ST3GAL3: variants seen among roughly 807,000 people sequenced by gnomAD.
ST3GAL3 encodes the protein ST3 beta-galactoside alpha-2,3-sialyltransferase 3, also known as CMP-N-acetylneuraminate-beta-1,4-galactoside alpha-2,3-sialyltransferase.
Under a neutral mutation model 50.1 loss-of-function variants are expected in ST3GAL3, and 21 were observed. The ratio of observed to expected loss-of-function variants is 0.42; its 90% confidence interval spans 0.30 to 0.60. The LOEUF (loss-of-function observed/expected upper bound fraction) is 0.60, where lower values mean the gene tolerates loss of function less well. ST3GAL3 is among the 20% of genes least tolerant of loss of function. ST3GAL3 has a pLI of 0.19. For missense variants in ST3GAL3, 353 were observed against 489.4 expected, an observed-to-expected ratio of 0.72 and a Z score of 2.63; for synonymous variants, 183 against 190.0, an observed-to-expected ratio of 0.96 and a Z score of 0.30.
chr1:43,904,594 C>T (rs1462468009), intron 9 of ST3GAL3, among the ~76,000 whole-genome samples: 1 of 151,914 alleles, frequency 6.6e-6, no homozygotes, highest in Non-Finnish European at 1.5e-5. Context: ...AATGGGGACT[C>T]CCTCAGCTCC....
chr1:43,899,723 G>A lies in ST3GAL3; in HGVS notation c.740G>A (p.Arg247Lys), dbSNP rs1405565326. The change falls in exon 9 of 12, where the codon AGA (arginine) becomes AAA (lysine). Residue 247 changes from arginine to lysine, a missense_variant. By Grantham distance (26) the Arg-to-Lys change is conservative. Coordinates refer to ENST00000347631, the MANE Select transcript of ST3GAL3 (RefSeq NM_006279.5). The surrounding 1 kb of genome is among the most constrained non-coding windows in gnomAD (Gnocchi z 5.4). ...KWLKYIVYKE[R>K]VSASDGFWKS... Reference sequence around the variant, plus strand: ...TTGAAATACATCGTCTACAAGGAGAGAGTGGTAAGCTCTCCTGGCACCAGC... The same window carrying A: ...TTGAAATACATCGTCTACAAGGAGAAAGTGGTAAGCTCTCCTGGCACCAGC... 1 of 1,613,838 alleles carries A rather than the reference G, an allele frequency of 6.2e-7. No individual in the cohort carries two copies.
Position 43,903,283 on chromosome 1 carries a change from C to T in ST3GAL3, c.744+3556C>T, listed in dbSNP as rs117928605. 2.4e-4 allele frequency among the ~76,000 whole-genome samples: 36 copies of T among 152,302 alleles called. No homozygotes were observed. The East Asian group carries it at 5.6e-3, about 24-fold the overall frequency. ...GACACCCCATCCACTGTCCAGAGGA[C>T]GGAGCCCTGGGGTCTGGAGAGGACA... On this transcript the variant is annotated intron_variant, in intron 9 of 11. Transcript: ENST00000347631.
chr1:43,879,098 G>A (rs1006718757), intron 5 of ST3GAL3: 6 of 455,374 alleles, frequency 1.3e-5, no homozygotes, highest in Non-Finnish European at 2.6e-5. Context: ...AAGAGTCAGA[G>A]AAGACGTCCC....
chr1:43,824,841 A>G, intron 4 of ST3GAL3: 1 of 1,147,644 alleles, frequency 8.7e-7, no homozygotes, highest in Non-Finnish European at 1.3e-6. Flanking sequence ...GAGATTTTGA[A>G]GTCACTGAGC....
chr1:43,911,459 C>A (rs752496452), intron 9 of ST3GAL3, among the ~76,000 whole-genome samples: 18 of 151,628 alleles, frequency 1.2e-4, no homozygotes, highest in South Asian at 6.2e-4. Context: ...AAATTCAAAC[C>A]TGTCCTTCTA....
chr1:43,928,968 G>A lies in ST3GAL3; in HGVS notation c.1039-1164G>A, dbSNP rs150449863. On this transcript the variant is annotated intron_variant, in intron 11 of 11. Transcript: ENST00000347631. ...ATGGTGAAGCTCAATGCTGACAAAC[G>A]CAACAGAGAGGTCACTTGGGGACAA... 1.9e-4 allele frequency among the ~76,000 whole-genome samples: 29 copies of A among 152,210 alleles called. No individual in the cohort carries two copies. In the East Asian group the frequency reaches 4.2e-3, roughly 22 times the overall value.
intron 2 of ST3GAL3, among the ~76,000 whole-genome samples, chr1:43,753,604 T>C (rs3791042): frequency 0.69 from 104,993 of 152,058 alleles, 36,601 homozygotes; most frequent in Non-Finnish European, 0.73. Flanking sequence ...CTGCTCTCTA[T>C]TACTTTTTCC....
intron 2 of ST3GAL3, among the ~76,000 whole-genome samples, chr1:43,769,984 T>C (rs1029255642): frequency 1.3e-5 from 2 of 152,164 alleles, no homozygotes; most frequent in Admixed American, 6.5e-5. Flanking sequence ...ATTGTCAATA[T>C]GGGACTGAAA....
intron 2 of ST3GAL3, chr1:43,771,924 G>A (rs1353995317): frequency 5.0e-6 from 2 of 398,334 alleles, no homozygotes; most frequent in Non-Finnish European, 8.8e-6. Context: ...TGGATGTTGG[G>A]GTCACCATTT....
chr1:43,920,671 C>G (rs2082879095), intron 10 of ST3GAL3, 111 bp from the exon 11 acceptor site: 1 of 1,606,432 alleles, frequency 6.2e-7, no homozygotes, highest in South Asian at 1.1e-5. Context: ...GAAGAGGGCT[C>G]AGTCCTTGGG....
At chr1:43,736,545 G>A (rs1678546392) in intron 2 of ST3GAL3, 165 bp downstream of exon 2, 1 of 1,229,666 alleles carries the variant, frequency 8.1e-7, no homozygotes, top group African/African-American at 1.5e-5. Context: ...GCTGGTATAG[G>A]CTGAGAACTT....
intron 2 of ST3GAL3, among the ~76,000 whole-genome samples, chr1:43,770,624 G>A (rs958009615): frequency 3.1e-4 from 47 of 152,026 alleles, no homozygotes; most frequent in African/African-American, 1.0e-3. Context: ...TGAACTCCTG[G>A]GCTCAAGCGT....
At chr1:43,814,954 C>T in intron 4 of ST3GAL3, 21 bp downstream of exon 4, 1 of 1,613,258 alleles carries the variant, frequency 6.2e-7, no homozygotes, top group Admixed American at 1.7e-5. Context: ...TGAGAAGATA[C>T]CTTGGCTCTG....
Position 43,801,512 on chromosome 1 carries a change from A to G in ST3GAL3, c.166+9363A>G, listed in dbSNP as rs1416248200. ...GTCCTGGAACAGGATGTGACTGCAC[A>G]GCCTGGTGCTCCCAACTGCACGTCA... On this transcript the variant is annotated intron_variant, in intron 3 of 11. Coordinates refer to ENST00000347631, the MANE Select transcript of ST3GAL3 (RefSeq NM_006279.5). 1.8e-5 allele frequency: 7 copies of G among 379,992 alleles called. 1 individual carries two copies. The highest frequency in any genetic ancestry group is 3.2e-5 in the Admixed American group (1 of 31,512). 23.5% of individuals were successfully genotyped at this position (379,992 alleles called of 1,614,324 possible). A position where few individuals can be genotyped will look rare whatever the true frequency, so the allele number is the denominator to read the frequency against.
rs1395505894 is a variant in ST3GAL3, at chr1:43,760,415, T to C, written c.118+24035T>C. 2.8e-4 allele frequency among the ~76,000 whole-genome samples: 42 copies of C among 152,340 alleles called. 1 individual carries two copies. Among genetic ancestry groups the C allele is most frequent in the Non-Finnish European group, 2.9e-5 (2 of 68,044 alleles). On this transcript the variant is annotated intron_variant, in intron 2 of 11. Transcript: ENST00000347631. ...TGTGTATAACTCAGTGAACCCATAA[T>C]GCGCAAATGACTACTGTTAGGATGT...
intron 3 of ST3GAL3, among the ~76,000 whole-genome samples, chr1:43,805,943 T>C (rs189424638): frequency 7.1e-4 from 108 of 151,824 alleles, no homozygotes; most frequent in Non-Finnish European, 1.1e-3. Flanking sequence ...ACCGTGTTGG[T>C]CAGGCTGGTC....
chr1:43,866,548 C>A (rs1320082195), intron 5 of ST3GAL3, among the ~76,000 whole-genome samples: 5 of 151,038 alleles, frequency 3.3e-5, no homozygotes, highest in African/African-American at 1.2e-4. Flanking sequence ...TGTGCCACTG[C>A]ACTCCAGCCT....
intron 6 of ST3GAL3, chr1:43,896,725 T>C (rs1474192829): frequency 6.6e-6 from 1 of 152,154 alleles, no homozygotes; most frequent in Non-Finnish European, 1.5e-5. Context: ...TGTATTTTTT[T>C]GTAGAAACAG....
intron 11 of ST3GAL3, among the ~76,000 whole-genome samples, chr1:43,927,092 G>A (rs2084122296): frequency 6.6e-6 from 1 of 152,210 alleles, no homozygotes; most frequent in African/African-American, 2.4e-5. Flanking sequence ...CACTTTGGGA[G>A]GCCGATGCAG....
Sources: allele counts gnomAD v4.1 joint callset (sites outside exome capture counted in the v4.1 genomes callset), GRCh38; gene constraint gnomAD v4.1.1; non-coding constraint Gnocchi (gnomAD v3.1); transcripts MANE v1.5; gene names NCBI Gene and HGNC (gene_info 2026-07-23, HGNC 2026-07-21).